ZNF516: variants seen among roughly 807,000 people sequenced by gnomAD.
The protein encoded by ZNF516 is zinc finger protein 516.
In ZNF516, 19 loss-of-function variants were observed where a neutral mutation model predicts 79.7. The ratio of observed to expected loss-of-function variants is 0.24; its 90% CI spans 0.17 to 0.35. ZNF516 has a LOEUF of 0.35. Ranked by LOEUF, ZNF516 falls within the 10% of genes least tolerant of loss-of-function variation. The pLI is 1.00. For synonymous variants in ZNF516, 877 were observed against 739.5 expected (o/e 1.19, Z -3.02); for missense variants, 1,678 against 1,679.5 (o/e 1.00, Z 0.02).
At chr18:76,435,900 G>C (rs969377419) in intron 3 of ZNF516, among the ~76,000 whole-genome samples, 4 of 152,198 alleles carry the variant, frequency 2.6e-5, no homozygotes, top group African/African-American at 9.7e-5. Context: ...ATGTTCTATG[G>C]CTCCTTTTGG....
At chr18:76,368,689 A>G (rs951225038) in intron 6 of ZNF516, among the ~76,000 whole-genome samples, 13 of 152,220 alleles carry the variant, frequency 8.5e-5, no homozygotes, top group Admixed American at 3.9e-4. Context: ...AGAGAACAAT[A>G]TAAGTACATC....
intron 2 of ZNF516, among the ~76,000 whole-genome samples, chr18:76,454,204 CTTCA>C (rs1287132757): frequency 6.6e-6 from 1 of 152,140 alleles, no homozygotes; most frequent in East Asian, 1.9e-4. Flanking sequence ...AAAAAAATCC[CTTCA>C]TTAAGAGCTC....
At chr18:76,426,544 G>A (rs2075595156) in intron 3 of ZNF516, among the ~76,000 whole-genome samples, 1 of 151,586 alleles carries the variant, frequency 6.6e-6, no homozygotes, top group Non-Finnish European at 1.5e-5. Flanking sequence ...TTTTTTTAAA[G>A]TATTTATTGT....
chr18:76,449,507 C>T (rs1170867681), intron 2 of ZNF516, among the ~76,000 whole-genome samples: 1 of 152,232 alleles, frequency 6.6e-6, no homozygotes, highest in Non-Finnish European at 1.5e-5. Context: ...GGATTAAAAC[C>T]CAGTTCTGCC....
intron 2 of ZNF516, among the ~76,000 whole-genome samples, chr18:76,450,148 C>G (rs1227059089): frequency 7.9e-6 from 1 of 125,820 alleles, no homozygotes; most frequent in Non-Finnish European, 1.6e-5. Flanking sequence ...GGAGAGAAGG[C>G]AAATGTACCA....
At chr18:76,480,494 T>TACATACAC (rs1425809312) in intron 1 of ZNF516, among the ~76,000 whole-genome samples, 4 of 131,100 alleles carry the variant, frequency 3.1e-5, no homozygotes, top group Non-Finnish European at 3.1e-5. Context: ...CATATACACA[T>TACATACAC]ACACACACAC....
chr18:76,368,150 A>T (rs1018753524), intron 6 of ZNF516, among the ~76,000 whole-genome samples: 4 of 152,238 alleles, frequency 2.6e-5, no homozygotes, highest in African/African-American at 9.6e-5. Flanking sequence ...GGTATCTTAA[A>T]TTTAACACAG....
intron 3 of ZNF516, among the ~76,000 whole-genome samples, chr18:76,380,816 C>T (rs1225366756): frequency 1.3e-5 from 2 of 152,192 alleles, no homozygotes; most frequent in African/African-American, 2.4e-5. Flanking sequence ...CCCGTGTCTG[C>T]CTCCGAAACC....
At position 76,481,745 on chromosome 18, in the gene ZNF516, C is replaced by T. The variant is rs76472858; in HGVS notation, c.-272+13399G>A. 1.9e-3 allele frequency among the ~76,000 whole-genome samples: 283 copies of T among 152,280 alleles called. 1 individual carries two copies. The highest frequency in any genetic ancestry group is 6.6e-3 in the African/African-American group (273 of 41,546). On this transcript the variant is annotated intron_variant, in intron 1 of 6. Transcript: ENST00000443185. ...AATGTTTGTTGAAAGAAAATGAGTA[C>T]TGGTGGGCTATTTATTTAGGGAACT...
In ZNF516 at chr18:76,368,488, C is replaced by T. The variant is rs995301939; in HGVS notation, c.3432+2040G>A. Among the ~76,000 whole-genome samples, 5 of 151,622 alleles carry T rather than the reference C, an allele frequency of 3.3e-5. 1 individual carries two copies. In the South Asian group the frequency reaches 6.3e-4, roughly 19 times the overall value. On this transcript the variant is annotated intron_variant, in intron 6 of 6. Transcript: ENST00000443185. ...AATCTAGCTCAGTTTTAATGCCAGG[C>T]CTGAACTGCCACTGTCCTATGAATG...
chr18:76,388,218 C>G (rs570434468), intron 3 of ZNF516: 1 of 152,332 alleles, frequency 6.6e-6, no homozygotes, highest in East Asian at 1.9e-4. Context: ...CCGATTCTTC[C>G]TGGACACCAG....
At chr18:76,400,472 CAAAT>C (rs561075963) in intron 3 of ZNF516, among the ~76,000 whole-genome samples, 2 of 152,294 alleles carry the variant, frequency 1.3e-5, no homozygotes, top group African/African-American at 2.4e-5. Context: ...ACTAAATAAA[CAAAT>C]AAACATCCCA....
chr18:76,492,619 G>C (rs1915299501), intron 1 of ZNF516: 1 of 668,322 alleles, frequency 1.5e-6, no homozygotes, highest in African/African-American at 2.0e-5. Context: ...GCCCGGGCGA[G>C]TGGGTTCCAT....
chr18:76,396,491 G>A (rs1349328120), intron 3 of ZNF516, among the ~76,000 whole-genome samples: 2 of 152,114 alleles, frequency 1.3e-5, no homozygotes, highest in Non-Finnish European at 2.9e-5. Context: ...TTTTATAACA[G>A]ACATGACTAG....
At chr18:76,421,157 T>C (rs942009020) in intron 3 of ZNF516, among the ~76,000 whole-genome samples, 3 of 152,232 alleles carry the variant, frequency 2.0e-5, no homozygotes, top group Admixed American at 6.5e-5. Context: ...CAGGGTCAAC[T>C]ACTGACACGT....
chr18:76,397,876 T>C (rs2145192523), intron 3 of ZNF516, among the ~76,000 whole-genome samples: 1 of 152,352 alleles, frequency 6.6e-6, no homozygotes, highest in South Asian at 2.1e-4. Context: ...ATTACAGACA[T>C]GAGCCACTGC....
At chr18:76,432,322 G>A (rs973739272) in intron 3 of ZNF516, among the ~76,000 whole-genome samples, 2 of 152,108 alleles carry the variant, frequency 1.3e-5, no homozygotes, top group African/African-American at 4.8e-5. Flanking sequence ...CCTCAGTACT[G>A]TCATTACCTG....
chr18:76,405,981 C>G (rs976749652), intron 3 of ZNF516, among the ~76,000 whole-genome samples: 17 of 152,056 alleles, frequency 1.1e-4, no homozygotes, highest in African/African-American at 4.1e-4. Context: ...ACAACTCAGT[C>G]ATGCCTGGCC....
intron 1 of ZNF516, among the ~76,000 whole-genome samples, chr18:76,485,285 T>TG (rs1210253872): frequency 1.3e-5 from 2 of 152,252 alleles, no homozygotes; most frequent in Non-Finnish European, 2.9e-5. Context: ...AATCTAAATC[T>TG]GGGGGGAATA....
Sources: allele counts gnomAD v4.1 joint callset (sites outside exome capture counted in the v4.1 genomes callset), GRCh38; gene constraint gnomAD v4.1.1; transcripts MANE v1.5; gene names NCBI Gene and HGNC (gene_info 2026-07-23, HGNC 2026-07-21).